The following CD226 variants were observed in gnomAD, a reference collection of about 807,000 sequenced individuals.
CD226 encodes the protein CD226 antigen.
In CD226, 24 loss-of-function variants were observed where a neutral mutation model predicts 34.9. That is an observed-to-expected ratio of 0.69 (90% CI 0.50 to 0.97). CD226 has a LOEUF of 0.97. CD226 is among the 50% of genes least tolerant of loss of function. The probability of loss-of-function intolerance (pLI) is 0.00; values close to 1 mark genes in which losing one functional copy is unlikely to be tolerated. For missense variants in CD226, 397 were observed against 412.7 expected (o/e 0.96, Z 0.33); for synonymous variants, 148 against 147.4 (o/e 1.00, Z -0.03).
At chr18:69,933,961 T>C (rs899291693) in intron 2 of CD226, among the ~76,000 whole-genome samples, 9 of 152,260 alleles carry the variant, frequency 5.9e-5, no homozygotes, top group Admixed American at 5.9e-4. Flanking sequence ...ATGTTAAGTA[T>C]TCTTTATTTC....
rs571830159 is a variant in CD226, at chr18:69,912,230, A to G, written c.383-16185T>C. Among the ~76,000 whole-genome samples, 378 of 152,338 alleles carry G rather than the reference A, an allele frequency of 2.5e-3. 1 individual carries two copies. The highest frequency in any genetic ancestry group is 8.6e-3 in the African/African-American group (357 of 41,574). On this transcript the variant is annotated intron_variant, in intron 2 of 5. Transcript: ENST00000582621. Reference sequence around the variant, plus strand: ...AAACCTAGGCATTACCATTCAGGACATAGGCATGGGCAAGGGCTTCATGCC... The same window carrying G: ...AAACCTAGGCATTACCATTCAGGACGTAGGCATGGGCAAGGGCTTCATGCC...
chr18:69,942,432 A>G (rs1242459790), intron 2 of CD226, among the ~76,000 whole-genome samples: 1 of 152,162 alleles, frequency 6.6e-6, no homozygotes, highest in Non-Finnish European at 1.5e-5. Flanking sequence ...TGAAAGAAAA[A>G]TCTGGTTTTA....
At chr18:69,896,597 T>C (rs545871726) in intron 2 of CD226, among the ~76,000 whole-genome samples, 1 of 148,966 alleles carries the variant, frequency 6.7e-6, no homozygotes, top group African/African-American at 2.4e-5. Context: ...TCCATAAGTG[T>C]TACTTGGTTA....
In CD226 at chr18:69,856,593, T is replaced by G. The variant is rs947306834; in HGVS notation, c.*7721A>C. The G allele has an allele frequency of 6.6e-6, 1 of 151,994 alleles. No individual in the cohort carries two copies. Among genetic ancestry groups the G allele is most frequent in the Non-Finnish European group, 1.5e-5 (1 of 67,974 alleles). 9.4% of individuals were successfully genotyped at this position (151,994 alleles called of 1,614,324 possible). The stretch of plus-strand genomic sequence containing the variant: ...CCTGAAAAATTTAAAAGAATAGAAA[T>G]TATACAAAGAATGTTTTTAAAACAT... On this transcript the variant is annotated 3_prime_UTR_variant, in exon 6 of 6. Transcript: ENST00000582621.
At chr18:69,924,866 G>A (rs534654671) in intron 2 of CD226, among the ~76,000 whole-genome samples, 1 of 152,082 alleles carries the variant, frequency 6.6e-6, no homozygotes, top group South Asian at 2.1e-4. Flanking sequence ...GAGAGAAACT[G>A]CATGGCATTT....
chr18:69,902,565 TA>T (rs1054452763), intron 2 of CD226, among the ~76,000 whole-genome samples: 24 of 148,376 alleles, frequency 1.6e-4, no homozygotes, highest in South Asian at 4.3e-4. Flanking sequence ...TGCTTGTCCC[TA>T]AAAAAAAATG....
At chr18:69,960,657 C>G (rs761879708), upstream of CD226, among the ~76,000 whole-genome samples, 1 of 152,154 alleles carries the variant, frequency 6.6e-6, no homozygotes, top group Non-Finnish European at 1.5e-5. Flanking sequence ...GCCTTCTTGG[C>G]CAGGCTCGTC....
At chr18:69,893,390 AT>A (rs1385837546) in intron 3 of CD226, among the ~76,000 whole-genome samples, 1 of 152,252 alleles carries the variant, frequency 6.6e-6, no homozygotes, top group Non-Finnish European at 1.5e-5. Context: ...TGACATTTTT[AT>A]TAATTAATAA....
At chr18:69,961,744 G>C (rs1173559737), upstream of CD226, 2 of 152,218 alleles carry the variant, frequency 1.3e-5, no homozygotes, top group Non-Finnish European at 2.9e-5. Context: ...AAGGACTCCA[G>C]ACCTCAAGCA....
upstream of CD226, among the ~76,000 whole-genome samples, chr18:69,952,019 C>T (rs552229940): frequency 1.3e-5 from 2 of 152,266 alleles, no homozygotes; most frequent in African/African-American, 4.8e-5. Context: ...GATATGGAAT[C>T]AACCTAAGTG....
chr18:69,868,805 A>ACG (rs1302317468), intron 4 of CD226, among the ~76,000 whole-genome samples: 4 of 139,410 alleles, frequency 2.9e-5, no homozygotes, highest in African/African-American at 5.7e-5. Context: ...GCGTGCACGC[A>ACG]CACACACACA....
At chr18:69,908,738 T>C (rs12456585) in intron 2 of CD226, among the ~76,000 whole-genome samples, 2,953 of 152,336 alleles carry the variant, frequency 0.019, 83 homozygotes, top group East Asian at 0.13. Context: ...ACAAAGCACA[T>C]GTTCTTTAGC....
At chr18:69,949,295 G>A (rs1041296205), upstream of CD226, among the ~76,000 whole-genome samples, 7 of 152,132 alleles carry the variant, frequency 4.6e-5, no homozygotes, top group South Asian at 2.1e-4. Flanking sequence ...TGGAGAAAGC[G>A]GTGCACACAA....
intron 2 of CD226, among the ~76,000 whole-genome samples, chr18:69,928,811 G>C (rs1460789085): frequency 6.6e-6 from 1 of 152,178 alleles, no homozygotes; most frequent in East Asian, 1.9e-4. Flanking sequence ...GTAGTACACA[G>C]AGTGAAAGAG....
intron 2 of CD226, among the ~76,000 whole-genome samples, chr18:69,900,458 C>T (rs970265376): frequency 1.6e-4 from 24 of 152,230 alleles, no homozygotes; most frequent in Middle Eastern, 3.4e-3. Flanking sequence ...TCTGGCCGGG[C>T]GCGGTGGCTC....
upstream of CD226, among the ~76,000 whole-genome samples, chr18:69,960,306 T>A (rs2055923975): frequency 6.7e-6 from 1 of 150,112 alleles, no homozygotes; most frequent in Admixed American, 6.6e-5. Context: ...AAGACTGAGT[T>A]AAAGGACACT....
intron 2 of CD226, among the ~76,000 whole-genome samples, chr18:69,914,059 C>A (rs756269877): frequency 1.3e-5 from 2 of 152,174 alleles, no homozygotes; most frequent in Non-Finnish European, 2.9e-5. Context: ...TCACTGTGAT[C>A]ATATTTTCAT....
intron 2 of CD226, among the ~76,000 whole-genome samples, chr18:69,910,359 T>C (rs2055309116): frequency 6.6e-6 from 1 of 152,174 alleles, no homozygotes. Flanking sequence ...TACCCCTTGA[T>C]ATGATGTGAT....
intron 2 of CD226, among the ~76,000 whole-genome samples, chr18:69,939,869 G>A (rs1440842007): frequency 3.9e-5 from 6 of 152,110 alleles, no homozygotes; most frequent in Admixed American, 3.9e-4. Context: ...CTGTACCATC[G>A]GCTCTCCTGG....
Sources: gnomAD v4.1 joint callset for allele counts (sites outside exome capture counted in the v4.1 genomes callset) on GRCh38, gnomAD v4.1.1 for gene constraint, MANE v1.5 for transcripts, NCBI Gene and HGNC (gene_info 2026-07-23, HGNC 2026-07-21) for gene names.